DIP2B: variants seen among roughly 807,000 people sequenced by gnomAD.
DIP2B encodes DIP2 acetate--CoA ligase B (putative).
DIP2B carries 76 observed loss-of-function variants against 198.0 expected under a neutral mutation model. The ratio of observed to expected loss-of-function variants is 0.38; its 90% CI spans 0.32 to 0.46. The LOEUF is 0.46. Among genes scored for constraint, DIP2B ranks in the 20% least tolerant of loss-of-function variants. The pLI, the probability that DIP2B is intolerant of heterozygous loss-of-function variation, is 0.99. For missense variants in DIP2B, 1,559 were observed against 1,978.4 expected (o/e 0.79, Z 4.02); for synonymous variants, 701 against 739.1 (o/e 0.95, Z 0.84).
At chr12:50,639,837 G>T (rs902248820) in intron 2 of DIP2B, among the ~76,000 whole-genome samples, 23 of 152,138 alleles carry the variant, frequency 1.5e-4, no homozygotes, top group African/African-American at 5.3e-4. Flanking sequence ...AGTCACAGAA[G>T]AACAAATACT....
intron 1 of DIP2B, among the ~76,000 whole-genome samples, chr12:50,613,715 C>T (rs558160121): frequency 3.3e-5 from 5 of 152,282 alleles, no homozygotes; most frequent in Admixed American, 6.5e-5. Context: ...CACAGATCAG[C>T]GCAGATACCA....
Position 50,685,815 on chromosome 12 carries a change from A to T in DIP2B, c.1318-18A>T. ...CACATTCGCTCCCCTACCTATGTTC[A>T]TTATCATTTCTCCACAGGATGCTGG... is the stretch of plus-strand genomic sequence containing the variant. On this transcript the variant is annotated intron_variant, in intron 10 of 37. Transcript: ENST00000301180. The T allele has an allele frequency of 6.2e-7, 1 of 1,611,734 alleles. No individual in the cohort carries two copies.
intron 1 of DIP2B, among the ~76,000 whole-genome samples, chr12:50,543,751 C>T (rs1958347872): frequency 6.6e-6 from 1 of 151,560 alleles, no homozygotes; most frequent in Admixed American, 6.6e-5. Context: ...GGATGAAACC[C>T]TGTCTCTACT....
intron 1 of DIP2B, among the ~76,000 whole-genome samples, chr12:50,577,395 G>A (rs889808440): frequency 5.3e-5 from 8 of 152,016 alleles, no homozygotes; most frequent in African/African-American, 1.7e-4. Flanking sequence ...TTAGCCAGGC[G>A]TGGTGGCGGG....
chr12:50,728,239 C>T (rs936963535), intron 29 of DIP2B, among the ~76,000 whole-genome samples: 5 of 151,780 alleles, frequency 3.3e-5, no homozygotes, highest in East Asian at 1.9e-4. Context: ...ATCAGCTGGG[C>T]GTGGTGGTGC....
At chr12:50,738,585 G>A (rs950774158) in intron 35 of DIP2B, among the ~76,000 whole-genome samples, 11 of 152,140 alleles carry the variant, frequency 7.2e-5, no homozygotes, top group African/African-American at 2.4e-4. Flanking sequence ...CCCAGTTCAA[G>A]TGATTCTCCT....
chr12:50,695,310 T>C lies in DIP2B; in HGVS notation c.1763T>C (p.Val588Ala). 1.2e-6 allele frequency: 2 copies of C among 1,614,090 alleles called. No individual in the cohort carries two copies. Among genetic ancestry groups the C allele is most frequent in the Non-Finnish European group, 1.7e-6 (2 of 1,179,996 alleles). ...KMHTISVPYS[V>A]MKTCPLSWVQ... ...CACACAATCAGCGTACCCTACTCTG[T>C]TATGAAAACCTGTCCTCTCTCTTGG... Residue 588 changes from valine (V) to alanine (A), a missense_variant, in exon 15 of 38, where the codon GTT becomes GCT. Coordinates refer to ENST00000301180, the MANE Select transcript of DIP2B (RefSeq NM_173602.3).
At chr12:50,657,005 G>A (rs948298918) in intron 3 of DIP2B, 1 of 151,956 alleles carries the variant, frequency 6.6e-6, no homozygotes, top group African/African-American at 2.4e-5. Flanking sequence ...TACTAAAATT[G>A]GAACGATACA....
rs1958726916 is a variant in DIP2B at position 50,581,823 on chromosome 12, T to C, written c.101-44153T>C. On this transcript the variant is annotated intron_variant, in intron 1 of 37. Transcript: ENST00000301180. ...AGTTAATGAAGATGAGCTCATTTGTTGCAGCAGTTTCATGAGGTATACAGT... is the reference window on the plus strand; with the variant it reads ...AGTTAATGAAGATGAGCTCATTTGTCGCAGCAGTTTCATGAGGTATACAGT... Among the ~76,000 whole-genome samples, 6 of 152,326 alleles carry C rather than the reference T, an allele frequency of 3.9e-5. No homozygotes were observed. The South Asian group carries it at 1.2e-3, about 32-fold the overall frequency.
intron 7 of DIP2B, among the ~76,000 whole-genome samples, chr12:50,677,523 G>A (rs1938967846): frequency 6.6e-6 from 1 of 152,100 alleles, no homozygotes; most frequent in Non-Finnish European, 1.5e-5. Flanking sequence ...GCTGAGGCAG[G>A]AGAATCTTTT....
At chr12:50,712,026 T>C (rs552577865) in intron 22 of DIP2B, among the ~76,000 whole-genome samples, 1 of 152,056 alleles carries the variant, frequency 6.6e-6, no homozygotes, top group South Asian at 2.1e-4. Context: ...ATAAATAAAT[T>C]AGCTAGACGC....
intron 1 of DIP2B, among the ~76,000 whole-genome samples, chr12:50,518,735 A>G (rs1475237085): frequency 8.1e-6 from 1 of 122,992 alleles, no homozygotes; most frequent in Non-Finnish European, 1.8e-5. Context: ...TTAGGATACA[A>G]CTTCTGTCTT....
Position 50,714,415 on chromosome 12 carries a change from A to G in DIP2B, c.2670A>G (p.Gln890=), listed in dbSNP as rs1490712494. 3.1e-5 allele frequency: 50 copies of G among 1,614,128 alleles called. No individual in the cohort carries two copies. Among genetic ancestry groups the G allele is most frequent in the Non-Finnish European group, 4.2e-5 (49 of 1,180,054 alleles). ...RVLQAIDSIH[Q]VGVYCLALVP... ...TCTAGGCGATCGATAGCATTCATCA[A>G]GTGGGGGTTTATTGTCTTGCTCTGG... is the stretch of plus-strand genomic sequence containing the variant. The change falls in exon 23 of 38, where the codon CAA becomes CAG. Residue 890 remains glutamine, a synonymous_variant. Transcript: ENST00000301180.
chr12:50,625,804 T>C (rs1337969865), intron 1 of DIP2B, among the ~76,000 whole-genome samples, 172 bp from the exon 2 acceptor site: 4 of 152,066 alleles, frequency 2.6e-5, no homozygotes, highest in Admixed American at 1.3e-4. Flanking sequence ...GCTCCAAGCC[T>C]GTGGGAAATC....
Position 50,598,167 on chromosome 12 carries a change from T to C in DIP2B, c.101-27809T>C, listed in dbSNP as rs116305370. Among the ~76,000 whole-genome samples the C allele has an allele frequency of 8.2e-3, 1,254 of 152,246 alleles. 19 individuals are homozygous for C. Among genetic ancestry groups the C allele is most frequent in the African/African-American group, 0.028 (1,180 of 41,536 alleles). On this transcript the variant is annotated intron_variant, in intron 1 of 37. Transcript: ENST00000301180. Reference sequence around the variant, plus strand: ...AGCAAAGGACTTTTTCTCTTTCCTTTAGAGGAAGGAGAGACCAGGAATCCT... The same window carrying C: ...AGCAAAGGACTTTTTCTCTTTCCTTCAGAGGAAGGAGAGACCAGGAATCCT...
At chr12:50,586,993 A>C (rs943309519) in intron 1 of DIP2B, among the ~76,000 whole-genome samples, 6 of 152,218 alleles carry the variant, frequency 3.9e-5, no homozygotes, top group African/African-American at 1.4e-4. Flanking sequence ...CCTGACTGTT[A>C]AACAGAAGAG....
intron 1 of DIP2B, among the ~76,000 whole-genome samples, chr12:50,621,838 C>G (rs1354099843): frequency 4.6e-5 from 7 of 152,208 alleles, no homozygotes; most frequent in Admixed American, 1.3e-4. Context: ...AGCTCAGCTT[C>G]TTCCAGGTCT....
chr12:50,647,600 C>G (rs529753350), intron 3 of DIP2B, among the ~76,000 whole-genome samples: 22 of 152,316 alleles, frequency 1.4e-4, no homozygotes, highest in African/African-American at 5.3e-4. Flanking sequence ...AATGGCATGA[C>G]TGCTTGTTGG....
At chr12:50,657,454 A>G (rs1938574076) in intron 3 of DIP2B, among the ~76,000 whole-genome samples, 1 of 152,148 alleles carries the variant, frequency 6.6e-6, no homozygotes, top group Non-Finnish European at 1.5e-5. Context: ...TTATGTTACC[A>G]TAGTGGAGCA....
Sources: allele counts gnomAD v4.1 joint callset (sites outside exome capture counted in the v4.1 genomes callset), GRCh38; gene constraint gnomAD v4.1.1; transcripts MANE v1.5; gene names NCBI Gene and HGNC (gene_info 2026-07-23, HGNC 2026-07-21).